Variants in NUP50 observed in about 807,000 individuals in gnomAD.
The protein encoded by NUP50 is nucleoporin 50, also known as nuclear pore complex protein Nup50.
NUP50 carries 14 observed loss-of-function variants against 36.8 expected under a neutral mutation model. The observed-to-expected ratio is 0.38, with a 90% CI of 0.25 to 0.59. NUP50 has a LOEUF of 0.59. Ranked by LOEUF, NUP50 falls within the 20% of genes least tolerant of loss-of-function variation. The pLI, the probability that NUP50 is intolerant of heterozygous loss-of-function variation, is 0.63. For missense variants in NUP50, 455 were observed against 564.6 expected (o/e 0.81, Z 1.97); for synonymous variants, 195 against 210.8 (o/e 0.93, Z 0.65).
rs537565427 is a variant in NUP50 at position 45,181,385 on chromosome 22, C to G, written c.1085+18C>G. Reference sequence around the variant, plus strand: ...TCCAAAAAGTAAGAATCCCCACAACCTGCTGGCGCATGTGTTTTGCAGGCA... The same window carrying G: ...TCCAAAAAGTAAGAATCCCCACAACGTGCTGGCGCATGTGTTTTGCAGGCA... On this transcript the variant is annotated intron_variant, in intron 6 of 7. Coordinates refer to ENST00000347635, the MANE Select transcript of NUP50 (RefSeq NM_007172.4). 1.3e-6 allele frequency: 2 copies of G among 1,532,414 alleles called. No individual in the cohort carries two copies. Among genetic ancestry groups the G allele is most frequent in the Admixed American group, 4.2e-5 (2 of 48,136 alleles). The allele number at this position is 1,532,414 out of a possible 1,614,324, so 94.9% of individuals were successfully genotyped here.
In NUP50 at chr22:45,171,475, C is replaced by G. The variant is rs1011225349; in HGVS notation, c.70-125C>G. 23 of 917,428 alleles carry G rather than the reference C, an allele frequency of 2.5e-5. No homozygotes were observed. In the African/African-American group the frequency reaches 3.3e-4, roughly 13 times the overall value. 56.8% of individuals were successfully genotyped at this position (917,428 alleles called of 1,614,324 possible). ...AGTATTATAGGCGCAAGCCATTGTG[C>G]CTGGCCAAAATTTATTTTTGAGAGG... On this transcript the variant is annotated intron_variant, in intron 2 of 7. Transcript: ENST00000347635.
intron 3 of NUP50, among the ~76,000 whole-genome samples, chr22:45,173,518 G>T (rs2074230642): frequency 6.6e-6 from 1 of 152,058 alleles, no homozygotes; most frequent in Admixed American, 6.5e-5. Flanking sequence ...TATTTGAAAG[G>T]CCTTGGTACA....
chr22:45,173,663 G>A (rs865998160), intron 3 of NUP50, among the ~76,000 whole-genome samples: 1 of 152,100 alleles, frequency 6.6e-6, no homozygotes, highest in Non-Finnish European at 1.5e-5. Context: ...GCAGGTGGAG[G>A]GTCCTACGAG....
chr22:45,183,290 T>G, intron 6 of NUP50, 112 bp from the exon 7 acceptor site: 1 of 679,514 alleles, frequency 1.5e-6, no homozygotes, highest in South Asian at 1.9e-5. Context: ...TGAAGCTTCC[T>G]GTACTCATTT....
chr22:45,169,697 C>T (rs1164420342), intron 2 of NUP50, among the ~76,000 whole-genome samples: 4 of 152,220 alleles, frequency 2.6e-5, no homozygotes, highest in Non-Finnish European at 5.9e-5. Context: ...CCCTCTGTCA[C>T]GCCCGCATAA....
intron 6 of NUP50, among the ~76,000 whole-genome samples, chr22:45,182,310 G>A (rs541757094): frequency 3.1e-4 from 47 of 151,928 alleles, no homozygotes; most frequent in African/African-American, 6.3e-4. Context: ...ATGTGGTGGC[G>A]CACGCCTGTA....
chr22:45,171,532 T>G, intron 2 of NUP50, 68 bp from the exon 3 acceptor site: 3 of 1,360,078 alleles, frequency 2.2e-6, no homozygotes, highest in African/African-American at 1.4e-5. Context: ...TAGCTTGTTG[T>G]TGTTGTTGAG....
At chr22:45,178,997 C>T (rs1239792958) in intron 5 of NUP50, 97 bp downstream of exon 5, 2 of 1,172,966 alleles carry the variant, frequency 1.7e-6, no homozygotes, top group Non-Finnish European at 2.4e-6. Flanking sequence ...TCTGGATTCA[C>T]ATTGAGACGT....
At chr22:45,183,622 C>T (rs1042811665) in intron 7 of NUP50, 102 bp downstream of exon 7, 1 of 771,482 alleles carries the variant, frequency 1.3e-6, no homozygotes, top group Admixed American at 1.9e-5. Flanking sequence ...AAACAGAGCG[C>T]ATTCAGGCCA....
At position 45,178,748 on chromosome 22, in the gene NUP50, C is replaced by T. The variant is rs199782823; in HGVS notation, c.851C>T (p.Ser284Leu). 1.9e-6 allele frequency: 3 copies of T among 1,613,848 alleles called. No homozygotes were observed. The highest frequency in any genetic ancestry group is 2.2e-5 in the East Asian group (1 of 44,884). ...AAAGTTGATAGCTCTGTTTTGGGCT[C>T]ATTAAGCTCTGTCCCCCTGACTGGA... ...GKKVDSSVLG[S>L]LSSVPLTGFS... is the part of the protein sequence containing the mutation. The change falls in exon 5 of 8, where the codon TCA (serine) becomes TTA (leucine). Residue 284 changes from serine to leucine, a missense_variant. By Grantham distance (145) the Ser-to-Leu change is moderately radical (BLOSUM62 -2). Transcript: ENST00000347635.
chr22:45,168,706 C>A lies in NUP50; in HGVS notation c.69+460C>A, dbSNP rs116541425. Among the ~76,000 whole-genome samples, 1,037 of 152,146 alleles carry A rather than the reference C, an allele frequency of 6.8e-3. 9 individuals are homozygous for A. Among genetic ancestry groups the A allele is most frequent in the African/African-American group, 0.024 (999 of 41,476 alleles). ...CCGTTTCCCTAATGCTTCTTGGAGG[C>A]CTGCTTTATTTCCTTTTCTTAATGG... On this transcript the variant is annotated intron_variant, in intron 2 of 7. Transcript: ENST00000347635.
At chr22:45,171,503 G>T in intron 2 of NUP50, 97 bp from the exon 3 acceptor site, 1 of 1,164,846 alleles carries the variant, frequency 8.6e-7, no homozygotes, top group East Asian at 2.4e-5. Context: ...TTGAGAGGCC[G>T]GACACAGTGG....
Position 45,185,475 on chromosome 22 carries a change from T to C in NUP50, c.*820T>C, listed in dbSNP as rs1011240489. On this transcript the variant is annotated 3_prime_UTR_variant, in exon 8 of 8. Transcript: ENST00000347635. The stretch of plus-strand genomic sequence containing the variant: ...GAACCCTTACGAAATGAAAGTCAAA[T>C]GAGACCATCCGAGAAAAAGATGCGC... 1 of 152,156 alleles carries C rather than the reference T, an allele frequency of 6.6e-6. No individual in the cohort carries two copies. Among genetic ancestry groups the C allele is most frequent in the African/African-American group, 2.4e-5 (1 of 41,390 alleles). 9.4% of individuals were successfully genotyped at this position (152,156 alleles called of 1,614,324 possible).
intron 6 of NUP50, among the ~76,000 whole-genome samples, chr22:45,181,897 T>C (rs1027347673): frequency 6.6e-6 from 1 of 152,240 alleles, no homozygotes; most frequent in Non-Finnish European, 1.5e-5. Flanking sequence ...GATTAGTTTT[T>C]ACAAAGATAT....
chr22:45,177,155 G>A (rs1429152079), intron 4 of NUP50, among the ~76,000 whole-genome samples: 1 of 152,140 alleles, frequency 6.6e-6, no homozygotes, highest in Non-Finnish European at 1.5e-5. Context: ...TAGGAAAAGT[G>A]AGTGTTCGTA....
Position 45,178,431 on chromosome 22 carries a change from C to T in NUP50, c.534C>T (p.Asn178=), listed in dbSNP as rs760732457. Residue 178 remains asparagine (N), a synonymous_variant, in exon 5 of 8, where the codon AAC becomes AAT. Coordinates refer to ENST00000347635, the MANE Select transcript of NUP50 (RefSeq NM_007172.4). ...RDWIVKHVNT[N]PLCDLTPIFK... is the part of the protein sequence containing the mutation. ...GGATAGTGAAGCACGTGAATACAAA[C>T]CCCCTCTGTGATCTGACACCTATCT... 6.2e-7 allele frequency: 1 copy of T among 1,613,220 alleles called. No individual in the cohort carries two copies.
Position 45,184,681 on chromosome 22 carries a change from T to C in NUP50, c.*26T>C. The C allele has an allele frequency of 2.0e-6, 3 of 1,492,930 alleles. No homozygotes were observed. The highest frequency in any genetic ancestry group is 2.3e-4 in the Middle Eastern group (1 of 4,276). 92.5% of individuals were successfully genotyped at this position (1,492,930 alleles called of 1,614,324 possible). A position where few individuals can be genotyped will look rare whatever the true frequency, so the allele number is the denominator to read the frequency against. On this transcript the variant is annotated 3_prime_UTR_variant, in exon 8 of 8. Transcript: ENST00000347635. ...ACACGCAAAGTCGGCTGCAGAATTA[T>C]TGCCAAGTTGCTGCTGCTTCCACCG...
At chr22:45,168,039 A>G in intron 1 of NUP50, 129 bp from the exon 2 acceptor site, 1 of 690,402 alleles carries the variant, frequency 1.4e-6, no homozygotes, top group Non-Finnish European at 2.5e-6. Flanking sequence ...CAGTTTCCAG[A>G]TGCTTTTTTT....
In NUP50 at chr22:45,182,778, C is replaced by T. The variant is rs538658877; in HGVS notation, c.1086-624C>T. On this transcript the variant is annotated intron_variant, in intron 6 of 7. Coordinates refer to ENST00000347635, the MANE Select transcript of NUP50 (RefSeq NM_007172.4). ...TAGCTGGGACTACAGGTGCCCGCCA[C>T]CACGCTCAGCTAATTTTTTGTATTT... is the stretch of plus-strand genomic sequence containing the variant. Among the ~76,000 whole-genome samples the T allele has an allele frequency of 4.6e-5, 7 of 151,758 alleles. No homozygotes were observed. The South Asian group carries it at 1.2e-3, about 27-fold the overall frequency.
Sources: gnomAD v4.1 joint callset for allele counts (sites outside exome capture counted in the v4.1 genomes callset) on GRCh38, gnomAD v4.1.1 for gene constraint, MANE v1.5 for transcripts, NCBI Gene and HGNC (gene_info 2026-07-23, HGNC 2026-07-21) for gene names.